Variants in SCAF4 observed in about 807,000 individuals in gnomAD.
SCAF4 encodes SR-related CTD associated factor 4.
A neutral mutation model predicts 129.8 loss-of-function variants in SCAF4; 25 were observed. The ratio of observed to expected loss-of-function variants is 0.19; its 90% CI spans 0.14 to 0.27. The LOEUF (loss-of-function observed/expected upper bound fraction) is 0.27, where lower values mean the gene tolerates loss of function less well. Among genes scored for constraint, SCAF4 ranks in the 10% least tolerant of loss-of-function variants. The pLI, the probability that SCAF4 is intolerant of heterozygous loss-of-function variation, is 1.00. For missense variants in SCAF4, 1,246 were observed against 1,457.1 expected, an observed-to-expected ratio of 0.86 and a Z score of 2.36; for synonymous variants, 551 against 497.7, an observed-to-expected ratio of 1.11 and a Z score of -1.43.
chr21:31,681,332 T>C (rs2049989715), intron 19 of SCAF4, among the ~76,000 whole-genome samples: 1 of 152,228 alleles, frequency 6.6e-6, no homozygotes, highest in African/African-American at 2.4e-5. Flanking sequence ...GATATACTGG[T>C]AACACAGTAC....
chr21:31,694,326 A>G (rs560412058), intron 10 of SCAF4, 37 bp from the exon 11 acceptor site: 14 of 1,295,052 alleles, frequency 1.1e-5, no homozygotes, highest in Non-Finnish European at 1.5e-5. Context: ...TGAGAAATTT[A>G]AAAAGTATAA....
At chr21:31,674,795 A>T (rs979939289) in intron 19 of SCAF4, among the ~76,000 whole-genome samples, 6 of 152,204 alleles carry the variant, frequency 3.9e-5, no homozygotes, top group Admixed American at 1.3e-4. Flanking sequence ...ATAAATTTTT[A>T]AAAAACCCAA....
intron 1 of SCAF4, among the ~76,000 whole-genome samples, chr21:31,714,071 C>G (rs2050868037): frequency 6.6e-6 from 1 of 152,092 alleles, no homozygotes; most frequent in South Asian, 2.1e-4. Flanking sequence ...GCAGATGACT[C>G]TGGGCAAATT....
At chr21:31,707,772 G>T (rs1474598293) in intron 1 of SCAF4, among the ~76,000 whole-genome samples, 1 of 152,144 alleles carries the variant, frequency 6.6e-6, no homozygotes, top group Non-Finnish European at 1.5e-5. Context: ...AGAGTAAACA[G>T]CCCCACCTAG....
intron 1 of SCAF4, 36 bp from the exon 2 acceptor site, chr21:31,706,393 A>G (rs757478757): frequency 1.4e-6 from 2 of 1,402,620 alleles, no homozygotes; most frequent in Admixed American, 3.8e-5. Context: ...AGTAAAGTTT[A>G]ACTATTTGGC....
intron 15 of SCAF4, 125 bp downstream of exon 15, chr21:31,690,668 TACTG>T (rs2050238210): frequency 9.8e-6 from 7 of 716,938 alleles, no homozygotes; most frequent in Non-Finnish European, 1.6e-5. Flanking sequence ...ATAATGGAGA[TACTG>T]ACACAGGAGG....
chr21:31,713,781 C>A (rs2050861138), intron 1 of SCAF4, among the ~76,000 whole-genome samples: 1 of 151,848 alleles, frequency 6.6e-6, no homozygotes, highest in Admixed American at 6.6e-5. Context: ...AGAAGCACTG[C>A]CATGTCAGAA....
chr21:31,709,247 C>T (rs1298119326), intron 1 of SCAF4, among the ~76,000 whole-genome samples: 1 of 151,770 alleles, frequency 6.6e-6, no homozygotes, highest in Non-Finnish European at 1.5e-5. Context: ...CTTCCTTTCC[C>T]ATTTTCTAAT....
chr21:31,704,569 T>C (rs985795941), intron 3 of SCAF4, among the ~76,000 whole-genome samples: 2 of 151,478 alleles, frequency 1.3e-5, no homozygotes, highest in East Asian at 1.9e-4. Flanking sequence ...ACTCAGAAAA[T>C]GGCTGTGTGC....
intron 9 of SCAF4, 128 bp downstream of exon 9, chr21:31,695,985 C>G (rs1182918217): frequency 1.8e-6 from 1 of 546,514 alleles, no homozygotes; most frequent in Non-Finnish European, 3.1e-6. Context: ...GTTACGTGTT[C>G]AACAGCTTTT....
chr21:31,706,538 C>T, intron 1 of SCAF4, 181 bp from the exon 2 acceptor site: 1 of 576,750 alleles, frequency 1.7e-6, no homozygotes, highest in Non-Finnish European at 3.1e-6. Flanking sequence ...CACACACCCT[C>T]CCCACTGCCG....
intron 19 of SCAF4, among the ~76,000 whole-genome samples, chr21:31,680,277 T>C (rs1005202270): frequency 1.3e-5 from 2 of 152,218 alleles, no homozygotes; most frequent in Non-Finnish European, 2.9e-5. Flanking sequence ...GTGCTTTGCC[T>C]TGGGAGAAAC....
intron 7 of SCAF4, among the ~76,000 whole-genome samples, chr21:31,700,263 C>T (rs1043882072): frequency 6.6e-6 from 1 of 150,550 alleles, no homozygotes; most frequent in Admixed American, 6.6e-5. Flanking sequence ...TTAATACACA[C>T]ACATATATAT....
At chr21:31,718,525 G>A (rs1414157017) in intron 1 of SCAF4, among the ~76,000 whole-genome samples, 1 of 151,460 alleles carries the variant, frequency 6.6e-6, no homozygotes, top group Non-Finnish European at 1.5e-5. Flanking sequence ...CGAACTCCTG[G>A]TCTCAAGGGA....
At chr21:31,673,045 T>TC (rs1205922860) in intron 19 of SCAF4, among the ~76,000 whole-genome samples, 1 of 152,238 alleles carries the variant, frequency 6.6e-6, no homozygotes, top group Non-Finnish European at 1.5e-5. Context: ...TGCTCAATGT[T>TC]CAGCTGTTCA....
intron 19 of SCAF4, among the ~76,000 whole-genome samples, chr21:31,675,005 T>C (rs2833476): frequency 0.12 from 17,636 of 152,056 alleles, 1,692 homozygotes; most frequent in East Asian, 0.51. Flanking sequence ...GTGTCTGAAT[T>C]GGATCTCAAA....
intron 19 of SCAF4, 52 bp downstream of exon 19, chr21:31,684,997 G>A: frequency 1.6e-6 from 1 of 622,970 alleles, no homozygotes; most frequent in Non-Finnish European, 2.7e-6. Flanking sequence ...TGGGTGGGGG[G>A]GTGGGGGGGG....
In SCAF4 at chr21:31,685,666, A is replaced by G; in HGVS notation, c.2111T>C (p.Leu704Pro). The G allele has an allele frequency of 3.1e-6, 5 of 1,613,734 alleles. No individual in the cohort carries two copies. Among genetic ancestry groups the G allele is most frequent in the Non-Finnish European group, 4.2e-6 (5 of 1,179,866 alleles). ...ACCAAAGCCTGGAGGCGGTATTCCC[A>G]GAGGAGGCGTGAAAGCAGGCGGCTG... is the stretch of plus-strand genomic sequence containing the variant. Reference protein sequence around the residue: ...ALQPPAFTPPLGIPPPGFGPG... With the variant: ...ALQPPAFTPPPGIPPPGFGPG... The change falls in exon 17 of 20, where the codon CTG becomes CCG. Residue 704 changes from leucine to proline, a missense_variant. Physicochemically the swap from Leu to Pro is moderately conservative, Grantham distance 98. Transcript: ENST00000286835.
At chr21:31,703,516 C>G (rs1038104256) in intron 4 of SCAF4, among the ~76,000 whole-genome samples, 2 of 152,046 alleles carry the variant, frequency 1.3e-5, no homozygotes, top group African/African-American at 4.8e-5. Flanking sequence ...CTGGCAACCA[C>G]TATTAAACTC....
Sources: gnomAD v4.1 joint callset for allele counts (sites outside exome capture counted in the v4.1 genomes callset) on GRCh38, gnomAD v4.1.1 for gene constraint, MANE v1.5 for transcripts, NCBI Gene and HGNC (gene_info 2026-07-23, HGNC 2026-07-21) for gene names.